The following MAP3K20 variants were observed in gnomAD, a reference collection of about 807,000 sequenced individuals.
The protein encoded by MAP3K20 is mitogen-activated protein kinase kinase kinase 20, also known as HCCS-4.
Under a neutral mutation model 85.7 loss-of-function variants are expected in MAP3K20, and 40 were observed. The ratio of observed to expected loss-of-function variants is 0.47; its 90% CI spans 0.36 to 0.61. The LOEUF (loss-of-function observed/expected upper bound fraction) is 0.61. MAP3K20 is among the 20% of genes least tolerant of loss of function. The probability of loss-of-function intolerance (pLI) is 0.00; values close to 1 mark genes in which losing one functional copy is unlikely to be tolerated. For missense variants in MAP3K20, 817 were observed against 961.7 expected (o/e 0.85, Z 1.99); for synonymous variants, 325 against 327.7 (o/e 0.99, Z 0.09).
chr2:173,095,474 C>A (rs1419348966), intron 2 of MAP3K20, among the ~76,000 whole-genome samples: 3 of 152,144 alleles, frequency 2.0e-5, no homozygotes, highest in Non-Finnish European at 2.9e-5. Context: ...TTCATGAAAG[C>A]ATTTTATTTG....
chr2:173,090,976 T>C, intron 1 of MAP3K20, 22 bp from the exon 2 acceptor site: 1 of 1,559,218 alleles, frequency 6.4e-7, no homozygotes, highest in Non-Finnish European at 8.7e-7. Flanking sequence ...AATTCAGCTT[T>C]TCTTTTTCTT....
At chr2:173,223,648 G>A (rs1015923775) in intron 11 of MAP3K20, 2 of 985,242 alleles carry the variant, frequency 2.0e-6, no homozygotes, top group Non-Finnish European at 2.4e-6. Flanking sequence ...ATGAGCCCTG[G>A]CCAGCTTAAC....
chr2:173,249,503 A>G (rs529406697), intron 16 of MAP3K20, among the ~76,000 whole-genome samples: 9 of 152,310 alleles, frequency 5.9e-5, no homozygotes, highest in Admixed American at 3.9e-4. Flanking sequence ...TGAAAATCAT[A>G]TTTCTTCGAG....
intron 2 of MAP3K20, among the ~76,000 whole-genome samples, chr2:173,100,368 A>G (rs1185156555): frequency 1.3e-5 from 2 of 152,220 alleles, no homozygotes; most frequent in African/African-American, 4.8e-5. Flanking sequence ...CAGCCTGCCT[A>G]ATATAAACAG....
chr2:173,084,315 T>G (rs558791311), intron 1 of MAP3K20, among the ~76,000 whole-genome samples: 1 of 151,914 alleles, frequency 6.6e-6, no homozygotes, highest in Non-Finnish European at 1.5e-5. Context: ...AGATAATGTC[T>G]GAAAGAAGAC....
chr2:173,219,865 A>T (rs530809028), intron 11 of MAP3K20, among the ~76,000 whole-genome samples: 8 of 152,026 alleles, frequency 5.3e-5, no homozygotes, highest in Non-Finnish European at 1.2e-4. Context: ...TCAGGCGTTC[A>T]AGACCAGCCT....
intron 11 of MAP3K20, among the ~76,000 whole-genome samples, chr2:173,220,080 G>GAAAAAAAAAAAAAAAAA (rs76443589): frequency 4.7e-5 from 4 of 85,510 alleles, no homozygotes; most frequent in African/African-American, 1.5e-4. Flanking sequence ...AAAAAAAAAG[G>GAAAAAAAAAAAAAAAAA]AAACTGATCC....
chr2:173,207,896 T>C (rs1428950634), intron 9 of MAP3K20, among the ~76,000 whole-genome samples: 1 of 152,194 alleles, frequency 6.6e-6, no homozygotes, highest in African/African-American at 2.4e-5. Flanking sequence ...ATGTTCACTT[T>C]GATAACCTCT....
intron 3 of MAP3K20, among the ~76,000 whole-genome samples, chr2:173,171,152 A>G (rs1438949651): frequency 6.6e-6 from 1 of 152,174 alleles, no homozygotes; most frequent in African/African-American, 2.4e-5. Flanking sequence ...AATGGGTTAT[A>G]TTGTTGGTTG....
chr2:173,223,669 G>T (rs973911509), intron 11 of MAP3K20: 30 of 985,240 alleles, frequency 3.0e-5, no homozygotes, highest in Non-Finnish European at 3.6e-5. Flanking sequence ...CTGGTCTGAG[G>T]TGAGACTAAA....
At chr2:173,128,921 CT>C (rs386391866) in intron 2 of MAP3K20, among the ~76,000 whole-genome samples, 87 of 116,102 alleles carry the variant, frequency 7.5e-4, no homozygotes, top group Non-Finnish European at 1.2e-3. Flanking sequence ...GAAATCTTTT[CT>C]TTTTTTTTTT....
At chr2:173,110,195 TTATACATATATA>T (rs1559234849) in intron 2 of MAP3K20, among the ~76,000 whole-genome samples, 1 of 72,448 alleles carries the variant, frequency 1.4e-5, no homozygotes, top group Non-Finnish European at 2.6e-5. Flanking sequence ...ATAATATATG[TTATACATATATA>T]TATATATATA....
intron 3 of MAP3K20, among the ~76,000 whole-genome samples, chr2:173,171,416 T>C (rs1433684739): frequency 6.6e-6 from 1 of 152,206 alleles, no homozygotes; most frequent in Non-Finnish European, 1.5e-5. Flanking sequence ...TGATGTTTAA[T>C]GCTTTTTGAA....
rs368392919 is a variant in MAP3K20, at chr2:173,186,549, T to TAGC, written c.350-1007_350-1006insCAG. Among the ~76,000 whole-genome samples the TAGC allele has an allele frequency of 1.4e-3, 3 of 2,108 alleles. No individual in the cohort carries two copies. In the Non-Finnish European group the frequency reaches 0.075, roughly 53 times the overall value. 1.4% of individuals were successfully genotyped at this position (2,108 alleles called of 152,430 possible). A position where few individuals can be genotyped will look rare whatever the true frequency, so the allele number is the denominator to read the frequency against. The stretch of plus-strand genomic sequence containing the variant: ...ATTCTTCAATATATCATAATTAAAA[T>TAGC]AGAAGAATAAAGATTTAAAAATTAA... On this transcript the variant is annotated intron_variant, in intron 4 of 19. Coordinates refer to ENST00000375213, the MANE Select transcript of MAP3K20 (RefSeq NM_016653.3).
intron 2 of MAP3K20, among the ~76,000 whole-genome samples, chr2:173,138,152 G>A (rs1184332974): frequency 6.6e-6 from 1 of 152,036 alleles, no homozygotes; most frequent in Non-Finnish European, 1.5e-5. Flanking sequence ...TGTATTTTCA[G>A]TAGAGACGGG....
intron 2 of MAP3K20, among the ~76,000 whole-genome samples, chr2:173,167,707 A>G (rs1039300236): frequency 2.0e-5 from 3 of 152,192 alleles, no homozygotes; most frequent in Non-Finnish European, 1.5e-5. Flanking sequence ...TGAAATGATC[A>G]ATCCTATCTC....
At chr2:173,197,956 A>G (rs1690904738) in intron 7 of MAP3K20, 70 bp from the exon 8 acceptor site, 1 of 1,363,358 alleles carries the variant, frequency 7.3e-7, no homozygotes, top group Admixed American at 2.0e-5. Context: ...CATGTTAGAT[A>G]AGGTCTCAGT....
chr2:173,116,177 A>G (rs1688118044), intron 2 of MAP3K20, among the ~76,000 whole-genome samples: 1 of 152,150 alleles, frequency 6.6e-6, no homozygotes, highest in African/African-American at 2.4e-5. Context: ...ATTGACAAGT[A>G]AAATGGTATA....
At chr2:173,103,885 TTC>T (rs1475308581) in intron 2 of MAP3K20, among the ~76,000 whole-genome samples, 2 of 152,166 alleles carry the variant, frequency 1.3e-5, no homozygotes. Context: ...CCTGAACAGA[TTC>T]TGAGGTAACT....
Sources: allele counts gnomAD v4.1 joint callset (sites outside exome capture counted in the v4.1 genomes callset), GRCh38; gene constraint gnomAD v4.1.1; transcripts MANE v1.5; gene names NCBI Gene and HGNC (gene_info 2026-07-23, HGNC 2026-07-21).